WASHC3: variants seen among roughly 807,000 people sequenced by gnomAD.
WASHC3 encodes the protein WASH complex subunit 3, also known as WASH complex subunit CCDC53.
In WASHC3, 24 loss-of-function variants were observed where a neutral mutation model predicts 26.1. That is an observed-to-expected ratio of 0.92 (90% CI 0.66 to 1.29). WASHC3 has a LOEUF of 1.29. Among genes scored for constraint, WASHC3 ranks in the 50% most tolerant of loss-of-function variants. The probability of loss-of-function intolerance (pLI) is 0.00; values close to 1 mark genes in which losing one functional copy is unlikely to be tolerated. For missense variants in WASHC3, 214 were observed against 229.6 expected (o/e 0.93, Z 0.44); for synonymous variants, 77 against 75.7 (o/e 1.02, Z -0.09).
chr12:102,060,956 C>CAAAAAAAAAAAAAA (rs56001519), intron 2 of WASHC3, among the ~76,000 whole-genome samples: 2 of 55,628 alleles, frequency 3.6e-5, no homozygotes, highest in African/African-American at 1.4e-4. Context: ...CCCTGTCTCA[C>CAAAAAAAAAAAAAA]AAAAAAAAAA....
At chr12:102,062,018 C>T, upstream of WASHC3, 1 of 1,447,678 alleles carries the variant, frequency 6.9e-7, no homozygotes, top group Non-Finnish European at 9.5e-7. Context: ...CAGATGGGGC[C>T]CGCCCAACCC....
At chr12:102,051,857 T>C (rs1266311296) in intron 2 of WASHC3, among the ~76,000 whole-genome samples, 1 of 152,242 alleles carries the variant, frequency 6.6e-6, no homozygotes, top group Non-Finnish European at 1.5e-5. Flanking sequence ...ATAAAGCACT[T>C]AGTATGATGC....
At chr12:102,049,476 T>G (rs1324897138) in intron 2 of WASHC3, among the ~76,000 whole-genome samples, 3 of 152,200 alleles carry the variant, frequency 2.0e-5, no homozygotes, top group Non-Finnish European at 4.4e-5. Flanking sequence ...ACAGGGGAAT[T>G]TACAAAGTCC....
intron 6 of WASHC3, among the ~76,000 whole-genome samples, chr12:102,021,748 A>G (rs1270753387): frequency 5.3e-5 from 8 of 152,068 alleles, no homozygotes; most frequent in Non-Finnish European, 1.2e-4. Flanking sequence ...TTAATCCACT[A>G]TGTTGTTGTA....
intron 6 of WASHC3, among the ~76,000 whole-genome samples, chr12:102,023,603 C>T (rs931018248): frequency 6.6e-6 from 1 of 152,166 alleles, no homozygotes; most frequent in Non-Finnish European, 1.5e-5. Flanking sequence ...CCAAAAGCAT[C>T]ATAATTCCTC....
chr12:102,061,560 G>C (rs1878811650), intron 1 of WASHC3, among the ~76,000 whole-genome samples: 1 of 152,218 alleles, frequency 6.6e-6, no homozygotes, highest in South Asian at 2.1e-4. Flanking sequence ...TAGACTCACT[G>C]GTACGAATTT....
In WASHC3 at chr12:102,061,324, CT is replaced by C. The variant is rs1047727028; in HGVS notation, c.73del (p.Arg25GlufsTer6). On this transcript the variant is annotated frameshift_variant, in exon 2 of 7. Transcript: ENST00000240079. LOFTEE classifies it high-confidence loss of function. The stretch of plus-strand genomic sequence containing the variant: ...AAATTGGTTTAGAAAAGCCACCGTT[CT>C]TTTCTGTTGAATAGCTGGCACCTGT... Reference protein sequence around the residue: ...LTKVPAIQQKRTVAFLNQFVV... With the variant: ...LTKVPAIQQKXTVAFLNQFVV... The C allele has an allele frequency of 6.2e-7, 1 of 1,613,510 alleles. No homozygotes were observed. The highest frequency in any genetic ancestry group is 8.5e-7 in the Non-Finnish European group (1 of 1,179,618).
chr12:102,041,803 G>A (rs1877950637), intron 4 of WASHC3, among the ~76,000 whole-genome samples: 1 of 151,870 alleles, frequency 6.6e-6, no homozygotes, highest in Non-Finnish European at 1.5e-5. Context: ...TTCAAACTTT[G>A]GAAGCCAACA....
intron 6 of WASHC3, among the ~76,000 whole-genome samples, chr12:102,017,129 CTA>C (rs1159243593): frequency 3.9e-5 from 6 of 152,126 alleles, no homozygotes; most frequent in Non-Finnish European, 5.9e-5. Context: ...TGTACTTTTT[CTA>C]TGTTTAGATA....
rs1876537278 is a variant in WASHC3, at chr12:102,012,901, T to C, written c.*207A>G. ...ATTGTACTTTATTTAGGTTATCCTATTTTTCATTTTGAGGCCCTTTATTTT... is the reference window on the plus strand; with the variant it reads ...ATTGTACTTTATTTAGGTTATCCTACTTTTCATTTTGAGGCCCTTTATTTT... On this transcript the variant is annotated 3_prime_UTR_variant, in exon 7 of 7. Coordinates refer to ENST00000240079, the MANE Select transcript of WASHC3 (RefSeq NM_016053.4). 2 of 430,140 alleles carry C rather than the reference T, an allele frequency of 4.6e-6. No individual in the cohort carries two copies. Among genetic ancestry groups the C allele is most frequent in the Middle Eastern group, 6.5e-4 (1 of 1,540 alleles). The allele number at this position is 430,140 out of a possible 1,614,324, so 26.6% of individuals were successfully genotyped here. A position where few individuals can be genotyped will look rare whatever the true frequency, so the allele number is the denominator to read the frequency against.
chr12:102,050,061 T>C (rs1249957631), intron 2 of WASHC3: 2 of 178,564 alleles, frequency 1.1e-5, no homozygotes, highest in African/African-American at 2.4e-5. Context: ...AGGGTGCTTG[T>C]AATCCTAGTA....
At chr12:102,015,392 G>A (rs766030000) in intron 6 of WASHC3, among the ~76,000 whole-genome samples, 2 of 152,182 alleles carry the variant, frequency 1.3e-5, no homozygotes. Context: ...TACATGTGAT[G>A]CTATATTACA....
At chr12:102,057,353 G>A (rs1469611877) in intron 2 of WASHC3, among the ~76,000 whole-genome samples, 3 of 152,032 alleles carry the variant, frequency 2.0e-5, no homozygotes, top group Non-Finnish European at 2.9e-5. Context: ...TAAGATGAGG[G>A]ACAAGACAAG....
Position 102,026,606 on chromosome 12 carries a change from C to T in WASHC3, c.436-568G>A, listed in dbSNP as rs149900409. Among the ~76,000 whole-genome samples, 191 of 152,154 alleles carry T rather than the reference C, an allele frequency of 1.3e-3. 1 individual carries two copies. Among genetic ancestry groups the T allele is most frequent in the Admixed American group, 1.7e-3 (26 of 15,270 alleles). On this transcript the variant is annotated intron_variant, in intron 5 of 6. Transcript: ENST00000240079. ...CTAATGACAATTTTAGAAGTGTATA[C>T]GTTGCAAAAATAGTAAAAACACGTG...
intron 2 of WASHC3, among the ~76,000 whole-genome samples, chr12:102,048,970 T>C (rs1225376848): frequency 6.6e-6 from 1 of 152,234 alleles, no homozygotes; most frequent in Non-Finnish European, 1.5e-5. Flanking sequence ...CCTGAATGTA[T>C]ACTTTTTAAA....
At chr12:102,013,926 A>AAT (rs1267554131) in intron 6 of WASHC3, among the ~76,000 whole-genome samples, 4 of 152,182 alleles carry the variant, frequency 2.6e-5, no homozygotes, top group African/African-American at 9.7e-5. Context: ...GTTAAGCCTC[A>AAT]ATAGTTTTGT....
intron 2 of WASHC3, among the ~76,000 whole-genome samples, chr12:102,053,907 G>A (rs1878491772): frequency 6.6e-6 from 1 of 152,152 alleles, no homozygotes; most frequent in African/African-American, 2.4e-5. Flanking sequence ...CTTGTTAAGG[G>A]ATATGCAGTA....
rs372646417 is a variant in WASHC3 at position 102,046,140 on chromosome 12, A to G, written c.151-21T>C. On this transcript the variant is annotated intron_variant, in intron 2 of 6. Transcript: ENST00000240079. ...AGTTTCTGTAAAAGAAAAATTAGAGACATAAAGACTTTAATTAAAATAAAC... is the reference window on the plus strand; with the variant it reads ...AGTTTCTGTAAAAGAAAAATTAGAGGCATAAAGACTTTAATTAAAATAAAC... 7.4e-5 allele frequency: 105 copies of G among 1,416,122 alleles called. No homozygotes were observed. In the African/African-American group the frequency reaches 1.3e-3, roughly 18 times the overall value. 87.7% of individuals were successfully genotyped at this position (1,416,122 alleles called of 1,614,324 possible).
At chr12:102,046,721 A>G (rs1233122522) in intron 2 of WASHC3, among the ~76,000 whole-genome samples, 1 of 152,238 alleles carries the variant, frequency 6.6e-6, no homozygotes, top group Non-Finnish European at 1.5e-5. Context: ...CCTTTTGTTT[A>G]CTACTGTACC....
Sources: gnomAD v4.1 joint callset for allele counts (sites outside exome capture counted in the v4.1 genomes callset) on GRCh38, gnomAD v4.1.1 for gene constraint, MANE v1.5 for transcripts, NCBI Gene and HGNC (gene_info 2026-07-23, HGNC 2026-07-21) for gene names.